Variants in PPP3CA observed in about 807,000 individuals in gnomAD.
PPP3CA encodes protein phosphatase 3 catalytic subunit alpha.
PPP3CA carries 14 observed loss-of-function variants against 66.5 expected under a neutral mutation model. The observed-to-expected ratio is 0.21, with a 90% CI of 0.14 to 0.33. The LOEUF (loss-of-function observed/expected upper bound fraction) is 0.33, where lower values mean the gene tolerates loss of function less well. Among genes scored for constraint, PPP3CA ranks in the 10% least tolerant of loss-of-function variants. The probability of loss-of-function intolerance (pLI) is 1.00; values close to 1 mark genes in which losing one functional copy is unlikely to be tolerated. For synonymous variants in PPP3CA, 232 were observed against 226.2 expected (o/e 1.03, Z -0.23); for missense variants, 317 against 639.5 (o/e 0.50, Z 5.44).
chr4:101,198,662 A>G (rs1292316445), intron 1 of PPP3CA, among the ~76,000 whole-genome samples: 1 of 152,152 alleles, frequency 6.6e-6, no homozygotes, highest in Non-Finnish European at 1.5e-5. Flanking sequence ...GTGCCAAAGC[A>G]TTTACGAAGG....
intron 2 of PPP3CA, among the ~76,000 whole-genome samples, chr4:101,154,190 C>G (rs551470787): frequency 6.4e-4 from 97 of 152,186 alleles, no homozygotes; most frequent in East Asian, 2.3e-3. Context: ...TACTTCTTGG[C>G]CAGAATGCTT....
At chr4:101,280,901 T>C (rs1054592447) in intron 1 of PPP3CA, among the ~76,000 whole-genome samples, 3 of 149,698 alleles carry the variant, frequency 2.0e-5, no homozygotes, top group Non-Finnish European at 4.4e-5. Context: ...ATGCATTATA[T>C]AGAAAAGAGA....
At chr4:101,090,879 T>C (rs1422409261) in intron 6 of PPP3CA, among the ~76,000 whole-genome samples, 1 of 141,364 alleles carries the variant, frequency 7.1e-6, no homozygotes, top group Non-Finnish European at 1.5e-5. Context: ...TCTGTGTCTA[T>C]ATTATAATAT....
intron 2 of PPP3CA, among the ~76,000 whole-genome samples, chr4:101,141,797 T>TGTTC (rs1439751912): frequency 1.3e-5 from 2 of 152,242 alleles, no homozygotes; most frequent in Admixed American, 1.3e-4. Flanking sequence ...GAACGGAGAC[T>TGTTC]GTTCACTCCT....
intron 8 of PPP3CA, 114 bp from the exon 9 acceptor site, chr4:101,063,471 G>A (rs1257463689): frequency 2.4e-6 from 3 of 1,260,628 alleles, no homozygotes; most frequent in Non-Finnish European, 3.3e-6. Flanking sequence ...AAACATCCAG[G>A]CTCACACCTT....
intron 12 of PPP3CA, among the ~76,000 whole-genome samples, chr4:101,031,929 TA>T (rs1413865533): frequency 6.6e-6 from 1 of 152,228 alleles, no homozygotes; most frequent in Non-Finnish European, 1.5e-5. Flanking sequence ...AAAATGTGAT[TA>T]AAAAGTTGTT....
At chr4:101,200,664 G>T (rs980885898) in intron 1 of PPP3CA, among the ~76,000 whole-genome samples, 1 of 152,110 alleles carries the variant, frequency 6.6e-6, no homozygotes, top group Non-Finnish European at 1.5e-5. Context: ...AGGAGAAAGG[G>T]ATTAAAGCAG....
chr4:101,166,720 A>G (rs1723705406), intron 2 of PPP3CA, among the ~76,000 whole-genome samples: 1 of 152,150 alleles, frequency 6.6e-6, no homozygotes, highest in Non-Finnish European at 1.5e-5. Context: ...TCATCATTTA[A>G]AAGACGGATA....
intron 1 of PPP3CA, among the ~76,000 whole-genome samples, chr4:101,225,671 A>G (rs1174295791): frequency 6.6e-6 from 1 of 151,732 alleles, no homozygotes; most frequent in Non-Finnish European, 1.5e-5. Context: ...CAGTTAAGAG[A>G]AATTTAAAAT....
chr4:101,032,193 G>T, intron 12 of PPP3CA, 74 bp downstream of exon 12: 1 of 1,146,642 alleles, frequency 8.7e-7, no homozygotes, highest in Non-Finnish European at 1.2e-6. Context: ...TTAAATGAAT[G>T]AATAAATCAG....
At chr4:101,168,036 A>C (rs1430361424) in intron 2 of PPP3CA, among the ~76,000 whole-genome samples, 1 of 152,122 alleles carries the variant, frequency 6.6e-6, no homozygotes, top group African/African-American at 2.4e-5. Context: ...TACCAGCATC[A>C]CACTGACCAC....
At chr4:101,114,067 AATGCTGGTGGGTGGGGT>A (rs1290677005) in intron 2 of PPP3CA, among the ~76,000 whole-genome samples, 1 of 152,078 alleles carries the variant, frequency 6.6e-6, no homozygotes, top group African/African-American at 2.4e-5. Context: ...TCCTAATTAG[AATGCTGGTGGGTGGGGT>A]ACCCAAATAC....
chr4:101,276,950 G>A (rs1727512724), intron 1 of PPP3CA, among the ~76,000 whole-genome samples: 1 of 151,718 alleles, frequency 6.6e-6, no homozygotes, highest in African/African-American at 2.4e-5. Flanking sequence ...TTCAACAAAT[G>A]TATAATGACA....
At chr4:101,211,713 G>C (rs1725304757) in intron 1 of PPP3CA, among the ~76,000 whole-genome samples, 1 of 152,148 alleles carries the variant, frequency 6.6e-6, no homozygotes, top group African/African-American at 2.4e-5. Flanking sequence ...ATCAAAGCTA[G>C]CTGTTCCCTC....
chr4:101,124,701 GAAAGAA>G (rs1722150841), intron 2 of PPP3CA, among the ~76,000 whole-genome samples: 1 of 94,368 alleles, frequency 1.1e-5, no homozygotes, highest in East Asian at 2.9e-4. Flanking sequence ...AAGAAAGAAA[GAAAGAA>G]AGAAAGAAAG....
Position 101,305,775 on chromosome 4 carries a change from G to A in PPP3CA, c.58+40964C>T, listed in dbSNP as rs115579710. ...ATGCAGAAAACAGCAGGTTATGGAG[G>A]GGGGTGTTTAAAAAGAATCAATGAT... On this transcript the variant is annotated intron_variant, in intron 1 of 13. Transcript: ENST00000394854. Among the ~76,000 whole-genome samples, 759 of 152,214 alleles carry A rather than the reference G, an allele frequency of 5.0e-3. 5 individuals carry two copies. The highest frequency in any genetic ancestry group is 0.016 in the African/African-American group (681 of 41,540).
chr4:101,228,923 C>T (rs1456989177), intron 1 of PPP3CA, among the ~76,000 whole-genome samples: 1 of 151,606 alleles, frequency 6.6e-6, no homozygotes, highest in Non-Finnish European at 1.5e-5. Context: ...TTTTGATTTT[C>T]CAATTAATAA....
At chr4:101,223,590 G>A (rs1387672100) in intron 1 of PPP3CA, among the ~76,000 whole-genome samples, 1 of 151,690 alleles carries the variant, frequency 6.6e-6, no homozygotes, top group Non-Finnish European at 1.5e-5. Flanking sequence ...TTCAATGTGG[G>A]ATACTGTATT....
At chr4:101,309,259 T>C (rs1015641612) in intron 1 of PPP3CA, among the ~76,000 whole-genome samples, 5 of 152,206 alleles carry the variant, frequency 3.3e-5, no homozygotes, top group Non-Finnish European at 5.9e-5. Flanking sequence ...AAAACGATAC[T>C]ACACATCAGG....
Sources: allele counts gnomAD v4.1 joint callset (sites outside exome capture counted in the v4.1 genomes callset), GRCh38; gene constraint gnomAD v4.1.1; transcripts MANE v1.5; gene names NCBI Gene and HGNC (gene_info 2026-07-23, HGNC 2026-07-21).